The following LUZP2 variants were observed in gnomAD, a reference collection of about 807,000 sequenced individuals.
LUZP2 encodes leucine zipper protein 2.
A neutral mutation model predicts 51.6 loss-of-function variants in LUZP2; 52 were observed. The ratio of observed to expected loss-of-function variants is 1.01; its 90% CI spans 0.81 to 1.27. The LOEUF is 1.27. Ranked by LOEUF, LUZP2 falls within the 50% of genes most tolerant of loss-of-function variation. LUZP2 has a pLI of 0.00. For missense variants in LUZP2, 436 were observed against 395.4 expected (o/e 1.10, Z -0.87); for synonymous variants, 154 against 137.3 (o/e 1.12, Z -0.85).
intron 9 of LUZP2, among the ~76,000 whole-genome samples, chr11:24,989,159 G>A (rs775697500): frequency 1.3e-5 from 2 of 151,738 alleles, no homozygotes; most frequent in East Asian, 1.9e-4. Context: ...GGAAGCCATC[G>A]TATAAAAGTC....
chr11:25,056,915 A>G (rs1858702334), intron 10 of LUZP2, among the ~76,000 whole-genome samples: 1 of 152,118 alleles, frequency 6.6e-6, no homozygotes, highest in South Asian at 2.1e-4. Context: ...CCTGGCTAAC[A>G]TGGTGAAACC....
intron 1 of LUZP2, among the ~76,000 whole-genome samples, chr11:24,557,687 A>C (rs1023319164): frequency 6.6e-6 from 1 of 152,186 alleles, no homozygotes; most frequent in South Asian, 2.1e-4. Context: ...TCAAATTATC[A>C]TGTCTATGTC....
intron 8 of LUZP2, among the ~76,000 whole-genome samples, chr11:24,979,394 A>G (rs1855965104): frequency 6.6e-6 from 1 of 151,828 alleles, no homozygotes; most frequent in Non-Finnish European, 1.5e-5. Context: ...CAAAATGGAT[A>G]AAAACTACAG....
chr11:24,905,531 A>T lies in LUZP2; in HGVS notation c.397-460A>T, dbSNP rs144240728. ...CAACGGAGTGAAACTTCGCTCAAAA[A>T]AAATAAATAAAAAAAAAGAAATATC... On this transcript the variant is annotated intron_variant, in intron 5 of 11. Transcript: ENST00000336930. 4.7e-3 allele frequency among the ~76,000 whole-genome samples: 716 copies of T among 152,242 alleles called. 3 individuals are homozygous for T. The highest frequency in any genetic ancestry group is 6.0e-3 in the Non-Finnish European group (408 of 68,024).
intron 1 of LUZP2, among the ~76,000 whole-genome samples, chr11:24,549,841 A>G (rs1298450584): frequency 1.3e-5 from 2 of 152,112 alleles, no homozygotes; most frequent in African/African-American, 2.4e-5. Flanking sequence ...CAAAATGTTC[A>G]TGTTGCTTTC....
At chr11:24,882,707 A>G (rs917616235) in intron 5 of LUZP2, among the ~76,000 whole-genome samples, 17 of 151,194 alleles carry the variant, frequency 1.1e-4, no homozygotes, top group Admixed American at 7.2e-4. Flanking sequence ...TCTTTCAGTT[A>G]GTAATATGCA....
At chr11:25,071,585 T>C (rs1859159530) in intron 10 of LUZP2, among the ~76,000 whole-genome samples, 1 of 151,896 alleles carries the variant, frequency 6.6e-6, no homozygotes, top group South Asian at 2.1e-4. Context: ...CTAGTTTTTC[T>C]CTTTGGGGTG....
chr11:24,530,498 A>ATC (rs1222562405), intron 1 of LUZP2, among the ~76,000 whole-genome samples: 6 of 150,834 alleles, frequency 4.0e-5, no homozygotes, highest in Non-Finnish European at 6.0e-5. Flanking sequence ...CCCTGCTTTG[A>ATC]TCTCACATTC....
intron 7 of LUZP2, among the ~76,000 whole-genome samples, chr11:24,952,729 A>G (rs916292063): frequency 6.6e-6 from 1 of 151,988 alleles, no homozygotes; most frequent in African/African-American, 2.4e-5. Context: ...AAAGTAAGGA[A>G]AATAATACTT....
At chr11:24,577,749 A>T (rs1852701624) in intron 1 of LUZP2, among the ~76,000 whole-genome samples, 1 of 152,144 alleles carries the variant, frequency 6.6e-6, no homozygotes, top group Non-Finnish European at 1.5e-5. Context: ...CAGATTTATG[A>T]ACTAATGATT....
chr11:24,512,874 C>G (rs997020676), intron 1 of LUZP2, among the ~76,000 whole-genome samples: 5 of 151,942 alleles, frequency 3.3e-5, no homozygotes, highest in Admixed American at 2.6e-4. Context: ...CTCAGCCCCC[C>G]GAGTAGCTGG....
chr11:24,575,673 A>C (rs939785210), intron 1 of LUZP2, among the ~76,000 whole-genome samples: 2 of 152,316 alleles, frequency 1.3e-5, no homozygotes, highest in Admixed American at 6.5e-5. Context: ...TTACTCATAC[A>C]CATGAGAAAA....
intron 1 of LUZP2, 51 bp from the exon 2 acceptor site, chr11:24,729,118 T>C (rs781397802): frequency 4.6e-6 from 4 of 868,890 alleles, no homozygotes; most frequent in Non-Finnish European, 1.7e-6. Flanking sequence ...TTATGACTGA[T>C]GCCAAGTGGA....
rs574520019 is a variant in LUZP2, at chr11:24,528,290, C to G, written c.62+30985C>G. On this transcript the variant is annotated intron_variant, in intron 1 of 11. Coordinates refer to ENST00000336930, the MANE Select transcript of LUZP2 (RefSeq NM_001009909.4). ...TGGTTTAAAAAAAAAAGTTAAGTTT[C>G]CTTACTGCAGGAATTTCTATAATCT... Among the ~76,000 whole-genome samples the G allele has an allele frequency of 2.3e-3, 352 of 151,256 alleles. 1 individual carries two copies. Among genetic ancestry groups the G allele is most frequent in the African/African-American group, 8.2e-3 (340 of 41,454 alleles).
intron 5 of LUZP2, among the ~76,000 whole-genome samples, chr11:24,884,969 A>C (rs749150): frequency 6.6e-6 from 1 of 151,802 alleles, no homozygotes; most frequent in Non-Finnish European, 1.5e-5. Flanking sequence ...TTTTTAACCT[A>C]TCAGAATTAT....
chr11:24,706,006 G>T (rs1023996207), intron 1 of LUZP2, among the ~76,000 whole-genome samples: 4 of 151,650 alleles, frequency 2.6e-5, no homozygotes, highest in African/African-American at 9.7e-5. Context: ...GCTTAAACTA[G>T]GGCTTGTAAC....
intron 9 of LUZP2, among the ~76,000 whole-genome samples, chr11:25,006,355 T>A (rs796169754): frequency 7.9e-5 from 12 of 152,250 alleles, no homozygotes; most frequent in African/African-American, 2.9e-4. Flanking sequence ...TTGGGCGACA[T>A]GACTTTGATA....
intron 5 of LUZP2, among the ~76,000 whole-genome samples, chr11:24,887,091 C>T (rs1852689431): frequency 6.6e-6 from 1 of 152,116 alleles, no homozygotes; most frequent in Non-Finnish European, 1.5e-5. Context: ...CCTGTTTATG[C>T]CTGCCTGACC....
At chr11:24,826,035 C>T (rs1034292456) in intron 5 of LUZP2, among the ~76,000 whole-genome samples, 4 of 150,800 alleles carry the variant, frequency 2.7e-5, no homozygotes, top group East Asian at 2.0e-4. Flanking sequence ...TAGCTGGGCG[C>T]GGTGGCGGGC....
Sources: allele counts gnomAD v4.1 joint callset (sites outside exome capture counted in the v4.1 genomes callset), GRCh38; gene constraint gnomAD v4.1.1; transcripts MANE v1.5; gene names NCBI Gene and HGNC (gene_info 2026-07-23, HGNC 2026-07-21).